ATP8A2: variants seen among roughly 807,000 people sequenced by gnomAD.
ATP8A2 encodes ATPase phospholipid transporting 8A2.
ATP8A2 carries 100 observed loss-of-function variants against 165.6 expected under a neutral mutation model. That is an observed-to-expected ratio of 0.60 (90% CI 0.51 to 0.71). The LOEUF (loss-of-function observed/expected upper bound fraction) is 0.71. Among genes scored for constraint, ATP8A2 ranks in the 30% least tolerant of loss-of-function variants. The probability of loss-of-function intolerance (pLI) is 0.00; values close to 1 mark genes in which losing one functional copy is unlikely to be tolerated. For synonymous variants in ATP8A2, 543 were observed against 548.8 expected (o/e 0.99, Z 0.15); for missense variants, 1,227 against 1,479.5 (o/e 0.83, Z 2.80).
intron 1 of ATP8A2, among the ~76,000 whole-genome samples, chr13:25,439,132 C>T (rs935970120): frequency 3.3e-5 from 5 of 152,224 alleles, no homozygotes; most frequent in African/African-American, 1.2e-4. Flanking sequence ...CCACATCCCC[C>T]ACAACATCCC....
intron 2 of ATP8A2, among the ~76,000 whole-genome samples, chr13:25,520,107 G>C (rs993451525): frequency 1.3e-5 from 2 of 152,098 alleles, no homozygotes; most frequent in Non-Finnish European, 2.9e-5. Context: ...TCAAATACCA[G>C]CTCTTATTTT....
At chr13:25,559,112 A>G in intron 14 of ATP8A2, 51 bp downstream of exon 14, 1 of 1,304,906 alleles carries the variant, frequency 7.7e-7, no homozygotes, top group Middle Eastern at 1.9e-4. Flanking sequence ...TTTCAAGAAA[A>G]TAAGTTTATT....
chr13:25,941,538 G>A (rs577400654), intron 33 of ATP8A2, among the ~76,000 whole-genome samples: 4 of 152,094 alleles, frequency 2.6e-5, no homozygotes, highest in Non-Finnish European at 4.4e-5. Flanking sequence ...CCACACAGGC[G>A]TCTCTTCCAG....
chr13:25,799,223 G>T (rs1950565277), intron 27 of ATP8A2, among the ~76,000 whole-genome samples: 2 of 152,160 alleles, frequency 1.3e-5, no homozygotes. Flanking sequence ...GGATGATAAG[G>T]GTTAGTTAAC....
intron 2 of ATP8A2, among the ~76,000 whole-genome samples, chr13:25,494,734 C>G (rs977085501): frequency 2.0e-5 from 3 of 152,176 alleles, no homozygotes; most frequent in Non-Finnish European, 4.4e-5. Flanking sequence ...TGTTTTCAAA[C>G]ACAGTTAACA....
chr13:25,648,206 T>C (rs760156353), intron 24 of ATP8A2, among the ~76,000 whole-genome samples: 1 of 152,206 alleles, frequency 6.6e-6, no homozygotes, highest in Non-Finnish European at 1.5e-5. Context: ...GTTGAAACTT[T>C]CTCTTGCATT....
chr13:25,780,075 A>G lies in ATP8A2; in HGVS notation c.2679+5116A>G, dbSNP rs866278095. On this transcript the variant is annotated intron_variant, in intron 27 of 36. Coordinates refer to ENST00000381655, the MANE Select transcript of ATP8A2 (RefSeq NM_016529.6). ...CTTTCTGAACCTCTGGGAAAAGGTT[A>G]TTTGGAATAGATAACATTTTTAGTG... Among the ~76,000 whole-genome samples, 12 of 152,346 alleles carry G rather than the reference A, an allele frequency of 7.9e-5. 1 individual carries two copies. Among genetic ancestry groups the G allele is most frequent in the Admixed American group, 1.3e-4 (2 of 15,294 alleles).
At chr13:25,662,963 T>C (rs1659784044) in intron 24 of ATP8A2, among the ~76,000 whole-genome samples, 1 of 152,184 alleles carries the variant, frequency 6.6e-6, no homozygotes, top group Admixed American at 6.5e-5. Context: ...GGAACTGAAA[T>C]AGCAGAAAGG....
At chr13:25,869,168 G>A (rs1266880284) in intron 33 of ATP8A2, among the ~76,000 whole-genome samples, 3 of 151,652 alleles carry the variant, frequency 2.0e-5, no homozygotes, top group Non-Finnish European at 4.4e-5. Context: ...CTCACAGCCT[G>A]TAAATATTTG....
intron 24 of ATP8A2, among the ~76,000 whole-genome samples, chr13:25,687,317 G>A (rs138080112): frequency 1.4e-3 from 215 of 152,316 alleles, no homozygotes; most frequent in Non-Finnish European, 2.5e-3. Flanking sequence ...AGCCAACATT[G>A]ATTGAAAGGT....
At chr13:25,974,808 C>T (rs933260492) in intron 35 of ATP8A2, among the ~76,000 whole-genome samples, 8 of 152,092 alleles carry the variant, frequency 5.3e-5, no homozygotes, top group Non-Finnish European at 8.8e-5. Flanking sequence ...CAGGTCTCGG[C>T]GTCTTCCCAG....
At position 25,911,943 on chromosome 13, in the gene ATP8A2, A is replaced by G. The variant is rs536653377; in HGVS notation, c.3183+49535A>G. On this transcript the variant is annotated intron_variant, in intron 33 of 36. Coordinates refer to ENST00000381655, the MANE Select transcript of ATP8A2 (RefSeq NM_016529.6). ...TGGAATGTGAATTAATACAACCATT[A>G]TGGAAAACTATATGGAGGTTCCTTA... 7.2e-5 allele frequency among the ~76,000 whole-genome samples: 11 copies of G among 152,366 alleles called. No individual in the cohort carries two copies. In the South Asian group the frequency reaches 2.3e-3, roughly 32 times the overall value.
chr13:25,388,339 A>G (rs1220658116), intron 1 of ATP8A2, among the ~76,000 whole-genome samples: 1 of 152,176 alleles, frequency 6.6e-6, no homozygotes, highest in Non-Finnish European at 1.5e-5. Context: ...CAAGCCGCAG[A>G]CAAAACCCCT....
chr13:25,835,970 C>T (rs1428647048), intron 28 of ATP8A2, among the ~76,000 whole-genome samples: 2 of 152,246 alleles, frequency 1.3e-5, no homozygotes, highest in Non-Finnish European at 2.9e-5. Context: ...ATGAGTGCTC[C>T]GATGAGCTGA....
chr13:25,810,789 G>A (rs1485165817), intron 27 of ATP8A2, among the ~76,000 whole-genome samples: 1 of 152,116 alleles, frequency 6.6e-6, no homozygotes, highest in Admixed American at 6.6e-5. Context: ...GGAGCTGGAT[G>A]TACACGCAGT....
intron 28 of ATP8A2, among the ~76,000 whole-genome samples, chr13:25,832,043 A>G (rs4479089): frequency 0.99 from 150,417 of 151,578 alleles, 74,642 homozygotes; most frequent in Middle Eastern, 1. Context: ...GGGTTCAAGC[A>G]ATTCTCCTGC....
intron 2 of ATP8A2, among the ~76,000 whole-genome samples, chr13:25,503,966 C>T (rs762022796): frequency 2.0e-4 from 31 of 152,206 alleles, no homozygotes; most frequent in Non-Finnish European, 3.5e-4. Context: ...TAATGGTTAT[C>T]CAAATGTTTA....
intron 10 of ATP8A2, among the ~76,000 whole-genome samples, chr13:25,544,910 GTTTTTT>G (rs5802339): frequency 7.3e-6 from 1 of 136,136 alleles, no homozygotes; most frequent in African/African-American, 2.7e-5. Flanking sequence ...TTATGAGTGA[GTTTTTT>G]TTTTTTTTTT....
intron 33 of ATP8A2, among the ~76,000 whole-genome samples, chr13:25,932,831 G>A (rs765507900): frequency 4.6e-5 from 7 of 152,106 alleles, no homozygotes; most frequent in Non-Finnish European, 1.0e-4. Context: ...CCAGTGCATT[G>A]TTGTGAGCTG....
Sources: allele counts gnomAD v4.1 joint callset (sites outside exome capture counted in the v4.1 genomes callset), GRCh38; gene constraint gnomAD v4.1.1; transcripts MANE v1.5; gene names NCBI Gene and HGNC (gene_info 2026-07-23, HGNC 2026-07-21).